LRMDA: variants seen among roughly 807,000 people sequenced by gnomAD.
The protein encoded by LRMDA is leucine rich melanocyte differentiation associated.
Under a neutral mutation model 29.8 loss-of-function variants are expected in LRMDA, and 18 were observed. The ratio of observed to expected loss-of-function variants is 0.60; its 90% confidence interval spans 0.42 to 0.90. The LOEUF (loss-of-function observed/expected upper bound fraction) is 0.90, where lower values mean the gene tolerates loss of function less well. LRMDA is among the 40% of genes least tolerant of loss of function. LRMDA has a pLI of 0.00. For missense variants in LRMDA, 273 were observed against 273.9 expected (o/e 1.00, Z 0.02); for synonymous variants, 125 against 109.4 (o/e 1.14, Z -0.89).
chr10:76,049,385 TC>T (rs1251261263), intron 4 of LRMDA, among the ~76,000 whole-genome samples: 1 of 152,254 alleles, frequency 6.6e-6, no homozygotes, highest in Non-Finnish European at 1.5e-5. Context: ...ATGCTTGCAC[TC>T]TGAGAGAATC....
chr10:75,849,450 G>T (rs542632084), intron 2 of LRMDA, among the ~76,000 whole-genome samples: 2 of 152,184 alleles, frequency 1.3e-5, no homozygotes, highest in Admixed American at 6.5e-5. Context: ...CATGTCCTTT[G>T]AGGGGACATG....
At chr10:76,104,066 C>T (rs1849440325) in intron 5 of LRMDA, among the ~76,000 whole-genome samples, 1 of 151,382 alleles carries the variant, frequency 6.6e-6, no homozygotes, top group Non-Finnish European at 1.5e-5. Flanking sequence ...AAAAAAATTC[C>T]ACACCATTCC....
At chr10:76,390,960 A>G (rs959942725) in intron 6 of LRMDA, among the ~76,000 whole-genome samples, 7 of 152,186 alleles carry the variant, frequency 4.6e-5, no homozygotes, top group Non-Finnish European at 1.0e-4. Context: ...GTTCTAGAGA[A>G]AAAGATTTAG....
At chr10:76,043,552 TAA>T (rs5786210) in intron 3 of LRMDA, among the ~76,000 whole-genome samples, 40 of 146,712 alleles carry the variant, frequency 2.7e-4, no homozygotes, top group African/African-American at 2.8e-4. Flanking sequence ...TTTTTCAAAT[TAA>T]AAAAAAAAAA....
intron 2 of LRMDA, among the ~76,000 whole-genome samples, chr10:76,017,365 G>A (rs1216011938): frequency 1.3e-5 from 2 of 152,220 alleles, no homozygotes; most frequent in Non-Finnish European, 2.9e-5. Flanking sequence ...GCCTTCAGAG[G>A]GAGCGTGGCC....
At chr10:75,435,550 T>C (rs543499990) in intron 1 of LRMDA, among the ~76,000 whole-genome samples, 12 of 152,260 alleles carry the variant, frequency 7.9e-5, no homozygotes, top group African/African-American at 2.9e-4. Flanking sequence ...ACTTATCGAG[T>C]TGGTTCTCAT....
At chr10:75,901,074 A>T (rs1345991287) in intron 2 of LRMDA, among the ~76,000 whole-genome samples, 1 of 152,174 alleles carries the variant, frequency 6.6e-6, no homozygotes, top group Non-Finnish European at 1.5e-5. Flanking sequence ...AGAAAGAGAG[A>T]GAGGGAGACA....
chr10:76,228,436 T>A (rs1301374614), intron 5 of LRMDA, among the ~76,000 whole-genome samples: 1 of 152,130 alleles, frequency 6.6e-6, no homozygotes, highest in Non-Finnish European at 1.5e-5. Flanking sequence ...GCATGCCATG[T>A]GGGAGATGAA....
chr10:75,570,317 C>A (rs938238519), intron 2 of LRMDA, among the ~76,000 whole-genome samples: 3 of 152,142 alleles, frequency 2.0e-5, no homozygotes, highest in Non-Finnish European at 4.4e-5. Flanking sequence ...TACTTAAATA[C>A]CTTTATTGAT....
At chr10:75,623,775 C>T (rs1017877661) in intron 2 of LRMDA, among the ~76,000 whole-genome samples, 1 of 152,202 alleles carries the variant, frequency 6.6e-6, no homozygotes, top group Non-Finnish European at 1.5e-5. Flanking sequence ...GAGAGGGAAG[C>T]TTAGTGTTCA....
Position 75,721,850 on chromosome 10 carries a change from G to A in LRMDA, c.131+283356G>A, listed in dbSNP as rs1482176297. Among the ~76,000 whole-genome samples the A allele has an allele frequency of 7.9e-5, 12 of 152,316 alleles. No individual in the cohort carries two copies. The East Asian group carries it at 2.3e-3, about 29-fold the overall frequency. ...TTCCATATATCACACACTCTATAGG[G>A]ATCCTTGCTTTTTGCATAGATCTTC... On this transcript the variant is annotated intron_variant, in intron 2 of 6. Transcript: ENST00000611255.
chr10:75,689,046 A>G (rs1005692368), intron 2 of LRMDA, among the ~76,000 whole-genome samples: 1 of 152,058 alleles, frequency 6.6e-6, no homozygotes, highest in Admixed American at 6.5e-5. Flanking sequence ...AAAAAACCCA[A>G]TTTGGATTGT....
intron 5 of LRMDA, among the ~76,000 whole-genome samples, chr10:76,155,218 A>C (rs1004858986): frequency 1.3e-5 from 2 of 152,198 alleles, no homozygotes; most frequent in Admixed American, 1.3e-4. Context: ...CCAAGCCTTT[A>C]ATGATCTTAA....
At chr10:75,561,240 A>G (rs1252504946) in intron 2 of LRMDA, among the ~76,000 whole-genome samples, 7 of 151,420 alleles carry the variant, frequency 4.6e-5, no homozygotes, top group Admixed American at 2.0e-4. Context: ...CAGAGATTCA[A>G]CTTCTTCCTG....
chr10:76,189,977 G>A (rs1473587667), intron 5 of LRMDA, among the ~76,000 whole-genome samples: 1 of 152,148 alleles, frequency 6.6e-6, no homozygotes, highest in Non-Finnish European at 1.5e-5. Flanking sequence ...GCCCTGCACT[G>A]GGTTCCTCCT....
Position 75,463,242 on chromosome 10 carries a change from C to T in LRMDA, c.131+24748C>T, listed in dbSNP as rs142509488. On this transcript the variant is annotated intron_variant, in intron 2 of 6. Coordinates refer to ENST00000611255, the MANE Select transcript of LRMDA (RefSeq NM_001305581.2). ...CTAAGGGGTGCTTTCCAAACTTGAG[C>T]GTGCACACACATCCCCGGGGAACTT... Among the ~76,000 whole-genome samples the T allele has an allele frequency of 2.4e-3, 363 of 152,246 alleles. 2 individuals are homozygous for T. Among genetic ancestry groups the T allele is most frequent in the African/African-American group, 8.2e-3 (341 of 41,544 alleles).
intron 2 of LRMDA, among the ~76,000 whole-genome samples, chr10:75,765,646 C>T (rs79398262): frequency 3.9e-4 from 60 of 152,104 alleles, no homozygotes; most frequent in African/African-American, 1.4e-3. Flanking sequence ...ATTGATTCTG[C>T]ACAGTGGTGG....
intron 2 of LRMDA, among the ~76,000 whole-genome samples, chr10:75,885,906 T>C (rs1845379644): frequency 6.6e-6 from 1 of 152,232 alleles, no homozygotes; most frequent in Non-Finnish European, 1.5e-5. Flanking sequence ...TGAGCATGAC[T>C]AGGCACATAG....
chr10:76,058,829 G>A (rs1316658071), intron 5 of LRMDA, 46 bp downstream of exon 5: 1 of 1,463,684 alleles, frequency 6.8e-7, no homozygotes, highest in Admixed American at 1.7e-5. Context: ...TACATCTCAT[G>A]GCAGTGCTTA....
Sources: allele counts gnomAD v4.1 joint callset (sites outside exome capture counted in the v4.1 genomes callset), GRCh38; gene constraint gnomAD v4.1.1; transcripts MANE v1.5; gene names NCBI Gene and HGNC (gene_info 2026-07-23, HGNC 2026-07-21).